RAD51B: variants seen among roughly 807,000 people sequenced by gnomAD.
RAD51B encodes the protein RAD51 paralog B.
Under a neutral mutation model 42.2 loss-of-function variants are expected in RAD51B, and 38 were observed. The observed-to-expected ratio is 0.90, with a 90% CI of 0.70 to 1.18. The LOEUF is 1.18. Among genes scored for constraint, RAD51B ranks in the 50% most tolerant of loss-of-function variants. The pLI, the probability that RAD51B is intolerant of heterozygous loss-of-function variation, is 0.00. For synonymous variants in RAD51B, 154 were observed against 145.2 expected (o/e 1.06, Z -0.43); for missense variants, 373 against 400.7 (o/e 0.93, Z 0.59).
At chr14:67,854,708 A>T (rs952129088) in intron 4 of RAD51B, among the ~76,000 whole-genome samples, 2 of 151,896 alleles carry the variant, frequency 1.3e-5, no homozygotes, top group Admixed American at 1.3e-4. Context: ...CATGCCTGTA[A>T]TCCCAGCACT....
At chr14:68,354,223 T>G (rs942764715) in intron 8 of RAD51B, among the ~76,000 whole-genome samples, 2 of 146,718 alleles carry the variant, frequency 1.4e-5, no homozygotes, top group African/African-American at 5.1e-5. Context: ...TTGGTTTTTT[T>G]TTTTTTTTTT....
At chr14:68,352,098 G>A (rs894444075) in intron 8 of RAD51B, among the ~76,000 whole-genome samples, 2 of 152,194 alleles carry the variant, frequency 1.3e-5, no homozygotes, top group African/African-American at 4.8e-5. Flanking sequence ...GGAGCTCACT[G>A]AAGAGGTCTG....
At chr14:68,082,024 G>A (rs950719155) in intron 7 of RAD51B, among the ~76,000 whole-genome samples, 4 of 151,588 alleles carry the variant, frequency 2.6e-5, no homozygotes, top group Admixed American at 6.6e-5. Flanking sequence ...GCAGTGGTGC[G>A]ATCTCGGCTC....
intron 7 of RAD51B, among the ~76,000 whole-genome samples, chr14:67,900,967 A>T (rs970389430): frequency 1.3e-5 from 2 of 152,182 alleles, no homozygotes; most frequent in African/African-American, 4.8e-5. Context: ...TTTTTGTCTC[A>T]TGACCAAGAA....
intron 7 of RAD51B, among the ~76,000 whole-genome samples, chr14:68,204,624 G>T (rs771357452): frequency 4.6e-5 from 7 of 152,210 alleles, no homozygotes; most frequent in Non-Finnish European, 8.8e-5. Flanking sequence ...TGTGAAGCAC[G>T]ATAAAGTGGA....
chr14:67,996,388 T>G (rs2075384464), intron 7 of RAD51B, among the ~76,000 whole-genome samples: 1 of 151,138 alleles, frequency 6.6e-6, no homozygotes. Flanking sequence ...CAGAGTGAGA[T>G]TCTTTCTCAA....
intron 7 of RAD51B, among the ~76,000 whole-genome samples, chr14:68,056,372 C>G (rs2076474725): frequency 6.6e-6 from 1 of 151,994 alleles, no homozygotes; most frequent in Non-Finnish European, 1.5e-5. Flanking sequence ...TGGTCTCTAA[C>G]TCCTGAGCTC....
At chr14:68,648,036 T>TATATATAC (rs375269798) in intron 10 of RAD51B, among the ~76,000 whole-genome samples, 1,150 of 113,978 alleles carry the variant, frequency 0.01, 55 homozygotes, top group Middle Eastern at 0.047. Context: ...TATATATATA[T>TATATATAC]ACACACGTAT....
chr14:68,662,893 A>T (rs1177114250), intron 11 of RAD51B, among the ~76,000 whole-genome samples: 2 of 151,952 alleles, frequency 1.3e-5, no homozygotes, highest in Non-Finnish European at 2.9e-5. Flanking sequence ...CAGCCACCCC[A>T]TCCTCCTCCC....
chr14:68,519,719 A>C (rs1005750954), intron 10 of RAD51B, among the ~76,000 whole-genome samples: 5 of 152,210 alleles, frequency 3.3e-5, no homozygotes, highest in Non-Finnish European at 1.5e-5. Flanking sequence ...CATTGGTGGG[A>C]CCAGTGGAGC....
In RAD51B at chr14:68,469,644, G is replaced by A. The variant is rs551724077; in HGVS notation, c.1036+1394G>A. ...CTCTCTACGGGTGTATAACTAATAA[G>A]CAATCAGAAAGCTGGACTTTTATTT... On this transcript the variant is annotated intron_variant, in intron 10 of 10. Transcript: ENST00000471583. Among the ~76,000 whole-genome samples, 3 of 152,324 alleles carry A rather than the reference G, an allele frequency of 2.0e-5. No individual in the cohort carries two copies. In the East Asian group the frequency reaches 5.8e-4, roughly 29 times the overall value.
intron 7 of RAD51B, among the ~76,000 whole-genome samples, chr14:68,290,611 GT>G (rs913975596): frequency 1.3e-5 from 2 of 152,086 alleles, no homozygotes; most frequent in African/African-American, 2.4e-5. Flanking sequence ...TAAATACACA[GT>G]GAGACTTTGG....
At chr14:68,484,359 C>CTTTTTTTTTTTTT (rs10665607) in intron 10 of RAD51B, among the ~76,000 whole-genome samples, 3 of 130,168 alleles carry the variant, frequency 2.3e-5, no homozygotes, top group African/African-American at 6.0e-5. Flanking sequence ...CTTTCTTTTT[C>CTTTTTTTTTTTTT]TTTTTTTTTT....
At chr14:68,133,382 G>A (rs61290854) in intron 7 of RAD51B, among the ~76,000 whole-genome samples, 2,210 of 152,314 alleles carry the variant, frequency 0.015, 55 homozygotes, top group African/African-American at 0.05. Flanking sequence ...TGAATGTCTG[G>A]TAGAAGAGAA....
intron 7 of RAD51B, among the ~76,000 whole-genome samples, chr14:68,090,299 T>G (rs1013696855): frequency 6.6e-6 from 1 of 152,224 alleles, no homozygotes; most frequent in Non-Finnish European, 1.5e-5. Context: ...TAGGGATCTT[T>G]TGGTATTGAA....
Position 67,900,500 on chromosome 14 carries a change from G to A in RAD51B, c.756+13296G>A, listed in dbSNP as rs114232521. ...TTCATGACATTGCCAAATGTATCTC[G>A]TAAAATTCACTGTTCATGAATTTAA... On this transcript the variant is annotated intron_variant, in intron 7 of 10. Coordinates refer to ENST00000471583, the MANE Select transcript of RAD51B (RefSeq NM_133510.4). 9.1e-3 allele frequency among the ~76,000 whole-genome samples: 1,383 copies of A among 151,708 alleles called. 23 individuals carry two copies. The highest frequency in any genetic ancestry group is 0.031 in the African/African-American group (1,300 of 41,418).
downstream of RAD51B, among the ~76,000 whole-genome samples, chr14:68,615,324 A>G (rs1018416246): frequency 6.6e-6 from 1 of 152,222 alleles, no homozygotes; most frequent in African/African-American, 2.4e-5. Flanking sequence ...AGAAACATTT[A>G]GAATTGTTAA....
At chr14:68,263,262 A>G (rs888908394) in intron 7 of RAD51B, among the ~76,000 whole-genome samples, 1 of 152,236 alleles carries the variant, frequency 6.6e-6, no homozygotes, top group Admixed American at 6.5e-5. Context: ...CTAATGCTTA[A>G]TACAACATTT....
At chr14:68,065,353 T>C (rs2076633381) in intron 7 of RAD51B, among the ~76,000 whole-genome samples, 1 of 152,042 alleles carries the variant, frequency 6.6e-6, no homozygotes, top group South Asian at 2.1e-4. Flanking sequence ...TCCAGGGAAG[T>C]GTGGGGCTGG....
Sources: allele counts gnomAD v4.1 joint callset (sites outside exome capture counted in the v4.1 genomes callset), GRCh38; gene constraint gnomAD v4.1.1; transcripts MANE v1.5; gene names NCBI Gene and HGNC (gene_info 2026-07-23, HGNC 2026-07-21).